The following IGSF22 variants were observed in gnomAD, a reference collection of about 807,000 sequenced individuals.
IGSF22 encodes the protein immunoglobulin superfamily, member 22.
In IGSF22, 119 loss-of-function variants were observed where a neutral mutation model predicts 127.0. The observed-to-expected ratio is 0.94, with a 90% CI of 0.81 to 1.09. IGSF22 has a LOEUF of 1.09. IGSF22 is among the 50% of genes least tolerant of loss of function. The pLI is 0.00. For synonymous variants in IGSF22, 568 were observed against 664.7 expected (o/e 0.85, Z 2.24); for missense variants, 1,518 against 1,716.6 (o/e 0.88, Z 2.04).
In IGSF22 at chr11:18,718,729, CT is replaced by C; in HGVS notation, c.697-2del. 1 of 1,584,856 alleles carries C rather than the reference CT, an allele frequency of 6.3e-7. No individual in the cohort carries two copies. The highest frequency in any genetic ancestry group is 1.1e-5 in the South Asian group (1 of 90,300). ...CCAGGGGCTTCAGAATCCGGATGGC[CT>C]GAGAGATTATGATAATAAAATGACA... On this transcript the variant is annotated splice_acceptor_variant, in intron 7 of 22. Transcript: ENST00000513874. LOFTEE classifies it high-confidence loss of function.
chr11:18,720,551 G>A (rs1175723192), intron 4 of IGSF22, among the ~76,000 whole-genome samples: 1 of 152,226 alleles, frequency 6.6e-6, no homozygotes, highest in African/African-American at 2.4e-5. Flanking sequence ...GCTCCCAGAA[G>A]GCAGGGCTTC....
intron 14 of IGSF22, among the ~76,000 whole-genome samples, chr11:18,713,572 C>T (rs1590443605): frequency 1.3e-5 from 2 of 152,316 alleles, no homozygotes; most frequent in Middle Eastern, 6.8e-3. Context: ...ATATTATGTC[C>T]TGTGTTCTTA....
chr11:18,706,333 C>CCCCCAGCCCCGT (rs1848232057), intron 21 of IGSF22, among the ~76,000 whole-genome samples, 187 bp from the exon 22 acceptor site: 1 of 151,052 alleles, frequency 6.6e-6, no homozygotes, highest in South Asian at 2.1e-4. Context: ...CTCCCCCGAC[C>CCCCCAGCCCCGT]CCCCAGCCCC....
intron 9 of IGSF22, 81 bp from the exon 10 acceptor site, chr11:18,717,081 A>C: frequency 2.7e-6 from 4 of 1,488,100 alleles, no homozygotes; most frequent in Non-Finnish European, 3.7e-6. Flanking sequence ...CTCACATGTC[A>C]CTGGCCTCCT....
rs928517381 is a variant in IGSF22, at chr11:18,705,713, T to C, written c.3910+104A>G. 27 of 959,272 alleles carry C rather than the reference T, an allele frequency of 2.8e-5. No individual in the cohort carries two copies. The African/African-American group carries it at 3.9e-4, about 14-fold the overall frequency. The allele number at this position is 959,272 out of a possible 1,614,324, so 59.4% of individuals were successfully genotyped here. Reference sequence around the variant, plus strand: ...GAATGTTTGCACCACCTGTTGGCAGTCAGATTAAAAAACGGTGCCAGCCAA... The same window carrying C: ...GAATGTTTGCACCACCTGTTGGCAGCCAGATTAAAAAACGGTGCCAGCCAA... On this transcript the variant is annotated intron_variant, in intron 22 of 22. Transcript: ENST00000513874.
Position 18,704,324 on chromosome 11 carries a change from C to T in IGSF22, c.*144G>A, listed in dbSNP as rs181548002. 69 of 648,118 alleles carry T rather than the reference C, an allele frequency of 1.1e-4. No individual in the cohort carries two copies. The highest frequency in any genetic ancestry group is 9.9e-4 in the African/African-American group (54 of 54,706). The allele number at this position is 648,118 out of a possible 1,614,324, so 40.1% of individuals were successfully genotyped here. A position where few individuals can be genotyped will look rare whatever the true frequency, so the allele number is the denominator to read the frequency against. On this transcript the variant is annotated 3_prime_UTR_variant, in exon 23 of 23. Transcript: ENST00000513874. ...CTCAGGAACGGGAAAGGATGAGTTACGTTTATTGCCCCATCCCTTCACTGA... is the reference window on the plus strand; with the variant it reads ...CTCAGGAACGGGAAAGGATGAGTTATGTTTATTGCCCCATCCCTTCACTGA...
chr11:18,711,255 A>G (rs1848351008), intron 15 of IGSF22, among the ~76,000 whole-genome samples: 1 of 152,340 alleles, frequency 6.6e-6, no homozygotes, highest in Middle Eastern at 3.4e-3. Context: ...AAGTGATTCT[A>G]ATGTATAGCC....
intron 19 of IGSF22, 52 bp downstream of exon 19, chr11:18,708,151 ATAGC>A: frequency 1.3e-6 from 2 of 1,513,882 alleles, no homozygotes; most frequent in Non-Finnish European, 1.8e-6. Context: ...GATGGCTACA[ATAGC>A]CATCTTGGTT....
At chr11:18,714,690 G>C in intron 11 of IGSF22, 66 bp from the exon 12 acceptor site, 3 of 1,590,416 alleles carry the variant, frequency 1.9e-6, no homozygotes, top group Middle Eastern at 1.7e-4. Flanking sequence ...CTGGGAAAAG[G>C]GCTGGTAGCG....
At position 18,716,920 on chromosome 11, in the gene IGSF22, A is replaced by G. The variant is rs1386146232; in HGVS notation, c.1054T>C (p.Ser352Pro). Residue 352 changes from serine (S) to proline (P), a missense_variant, in exon 10 of 23, where the codon TCC becomes CCC. Coordinates refer to ENST00000513874, the MANE Select transcript of IGSF22 (RefSeq NM_173588.4). The surrounding 1 kb of genome is among the most constrained non-coding windows in gnomAD (Gnocchi z 4.5). ...RQTAVFEIRLSKKEPNFVWKF... is the reference protein window; with the variant it reads ...RQTAVFEIRLPKKEPNFVWKF... ...CACACAAAGTTGGGCTCTTTCTTGG[A>G]GAGGCGGATCTCAAACACAGCTGTC... 1 of 1,614,038 alleles carries G rather than the reference A, an allele frequency of 6.2e-7. No individual in the cohort carries two copies. The highest frequency in any genetic ancestry group is 8.5e-7 in the Non-Finnish European group (1 of 1,180,036).
In IGSF22 at chr11:18,707,111, G is replaced by A. The variant is rs141156041; in HGVS notation, c.3383C>T (p.Ala1128Val). 2.6e-6 allele frequency: 4 copies of A among 1,551,654 alleles called. No homozygotes were observed. In the African/African-American group the frequency reaches 4.1e-5, roughly 16 times the overall value. ...HSPDVQEDGE[A>V]HYIIMKRDAS... The stretch of plus-strand genomic sequence containing the variant: ...ATCCCGCTTCATGATGATGTAGTGA[G>A]CCTCACCGTCCTCCTGCACATCTGG... Residue 1128 changes from alanine to valine, a missense_variant, in exon 21 of 23, where the codon GCT (alanine) becomes GTT (valine). Physicochemically the swap from Ala to Val is moderately conservative, Grantham distance 64. Coordinates refer to ENST00000513874, the MANE Select transcript of IGSF22 (RefSeq NM_173588.4).
At position 18,725,003 on chromosome 11, in the gene IGSF22, C is replaced by CT. The variant is rs879338845; in HGVS notation, c.-33-735dup. Among the ~76,000 whole-genome samples, 89 of 145,496 alleles carry CT rather than the reference C, an allele frequency of 6.1e-4. 1 individual carries two copies. Among genetic ancestry groups the CT allele is most frequent in the South Asian group, 2.6e-3 (12 of 4,546 alleles). On this transcript the variant is annotated intron_variant, in intron 1 of 22. Transcript: ENST00000513874. ...AAACTCATGTGTTCTTATCATCTTCCTTTTTTTTTTTTAATTAAAAAAGCA... is the reference window on the plus strand; with the variant it reads ...AAACTCATGTGTTCTTATCATCTTCCTTTTTTTTTTTTTAATTAAAAAAGCA...
At chr11:18,720,308 G>T in intron 4 of IGSF22, 23 bp from the exon 5 acceptor site, 7 of 1,598,444 alleles carry the variant, frequency 4.4e-6, no homozygotes, top group Non-Finnish European at 6.0e-6. Context: ...CCGGCCATTA[G>T]TGGGGGAAGG....
Position 18,710,644 on chromosome 11 carries a change from A to C in IGSF22, c.2572+11T>G. On this transcript the variant is annotated intron_variant, in intron 16 of 22. Transcript: ENST00000513874. ...TTGGTCACTCCTGGGCCTCTGTTCC[A>C]AGGACCTCACCCTGGATGGGGTCCT... 5 of 1,607,768 alleles carry C rather than the reference A, an allele frequency of 3.1e-6. No homozygotes were observed. Among genetic ancestry groups the C allele is most frequent in the Non-Finnish European group, 4.3e-6 (5 of 1,174,690 alleles).
Position 18,712,390 on chromosome 11 carries a change from G to A in IGSF22, c.2096-6C>T, listed in dbSNP as rs1339670307. 4 of 1,544,778 alleles carry A rather than the reference G, an allele frequency of 2.6e-6. No homozygotes were observed. The highest frequency in any genetic ancestry group is 3.5e-6 in the Non-Finnish European group (4 of 1,142,598). On this transcript the variant is annotated splice_region_variant and splice_polypyrimidine_tract_variant and intron_variant, in intron 14 of 22. Coordinates refer to ENST00000513874, the MANE Select transcript of IGSF22 (RefSeq NM_173588.4). ...CTGTGGAGGCTTTGGACGGTCTGGG[G>A]ACAGAGAACAGCTTCAGAATGGGGC...
rs1186095459 is a variant in IGSF22, at chr11:18,706,980, G to C, written c.3514C>G (p.Arg1172Gly). ...GRKYYFRVVARNEIGDSEPLD... is the reference protein window; with the variant it reads ...GRKYYFRVVAGNEIGDSEPLD... ...GGCTCACTGTCACCGATTTCATTCC[G>C]AGCCACCACTCTGAAGTAGTACTTC... Residue 1172 changes from arginine to glycine, a missense_variant, in exon 21 of 23, where the codon CGG becomes GGG. By Grantham distance (125) the Arg-to-Gly change is moderately radical. Around this residue, in one of 3 missense-constraint regions of IGSF22, gnomAD observed 1,456 missense variants for 1,644.9 expected, o/e 0.89. Transcript: ENST00000513874. 6.5e-7 allele frequency: 1 copy of C among 1,546,656 alleles called. No individual in the cohort carries two copies. Among genetic ancestry groups the C allele is most frequent in the Non-Finnish European group, 8.7e-7 (1 of 1,144,032 alleles).
At chr11:18,721,332 C>T (rs577398247) in intron 4 of IGSF22, among the ~76,000 whole-genome samples, 2 of 152,372 alleles carry the variant, frequency 1.3e-5, no homozygotes, top group East Asian at 3.9e-4. Flanking sequence ...ACTTTGGGTC[C>T]TCTGCTCATT....
At position 18,714,574 on chromosome 11, in the gene IGSF22, C is replaced by T. The variant is rs766337479; in HGVS notation, c.1582G>A (p.Gly528Arg). ...SGMSDVHAAT[G>R]SPAELCVVLN... The stretch of plus-strand genomic sequence containing the variant: ...ACTACACACAACTCAGCTGGGCTCC[C>T]AGTGGCCGCGTGCACGTCGGACATC... Residue 528 changes from glycine (G) to arginine (R), a missense_variant, in exon 12 of 23, where the codon GGG becomes AGG. Coordinates refer to ENST00000513874, the MANE Select transcript of IGSF22 (RefSeq NM_173588.4). 7.4e-6 allele frequency: 12 copies of T among 1,614,214 alleles called. No homozygotes were observed. The East Asian group carries it at 2.7e-4, about 36-fold the overall frequency.
chr11:18,724,113 C>T lies in IGSF22; in HGVS notation c.109+15G>A, dbSNP rs1438034933. 1.3e-6 allele frequency: 2 copies of T among 1,599,008 alleles called. No homozygotes were observed. Among genetic ancestry groups the T allele is most frequent in the East Asian group, 2.2e-5 (1 of 44,804 alleles). ...CTGCCCTTCCCGATCCCTTCCCTGC[C>T]CCCATTCCACTTGCCTCCCACGATC... On this transcript the variant is annotated intron_variant, in intron 2 of 22. Coordinates refer to ENST00000513874, the MANE Select transcript of IGSF22 (RefSeq NM_173588.4).
Sources: allele counts gnomAD v4.1 joint callset (sites outside exome capture counted in the v4.1 genomes callset), GRCh38; gene constraint gnomAD v4.1.1; regional missense constraint gnomAD v4.1.1; non-coding constraint Gnocchi (gnomAD v3.1); transcripts MANE v1.5; gene names NCBI Gene and HGNC (gene_info 2026-07-23, HGNC 2026-07-21).